Variants in CTCFL observed in about 807,000 individuals in gnomAD.
CTCFL encodes transcriptional repressor CTCFL.
In CTCFL, 36 loss-of-function variants were observed where a neutral mutation model predicts 67.4. The ratio of observed to expected loss-of-function variants is 0.53; its 90% CI spans 0.41 to 0.71. The LOEUF is 0.71. CTCFL is among the 30% of genes least tolerant of loss of function. The pLI is 0.00. For missense variants in CTCFL, 786 were observed against 835.2 expected (o/e 0.94, Z 0.73); for synonymous variants, 324 against 302.3 (o/e 1.07, Z -0.75).
At chr20:57,517,812 T>A (rs1044090728) in intron 5 of CTCFL, among the ~76,000 whole-genome samples, 2 of 152,100 alleles carry the variant, frequency 1.3e-5, no homozygotes, top group Non-Finnish European at 2.9e-5. Flanking sequence ...CTAGGAAGTT[T>A]GTACTAAGCA....
At chr20:57,520,790 G>A (rs2069296769) in intron 3 of CTCFL, among the ~76,000 whole-genome samples, 2 of 152,198 alleles carry the variant, frequency 1.3e-5, no homozygotes, top group South Asian at 4.1e-4. Context: ...TGTGACCCCT[G>A]CAAAAATACA....
chr20:57,523,495 C>T (rs1005393690), intron 2 of CTCFL, among the ~76,000 whole-genome samples, 168 bp downstream of exon 2: 1 of 152,198 alleles, frequency 6.6e-6, no homozygotes, highest in Non-Finnish European at 1.5e-5. Flanking sequence ...ACTTTTAAAA[C>T]TCTTTTTTAA....
chr20:57,504,280 TCTC>T (rs909380409), intron 9 of CTCFL, among the ~76,000 whole-genome samples: 8 of 132,332 alleles, frequency 6.0e-5, no homozygotes, highest in Middle Eastern at 8.9e-3. Context: ...CCGCCCCCCG[TCTC>T]CTTTTTTTTT....
chr20:57,500,026 C>G (rs1329018156), intron 10 of CTCFL: 1 of 986,606 alleles, frequency 1.0e-6, no homozygotes, highest in Admixed American at 6.1e-5. Flanking sequence ...CACTGAAGAA[C>G]GTGACTGTCT....
rs2068546649 is a variant in CTCFL, at chr20:57,511,439, T to A, written c.1491+1153A>T. On this transcript the variant is annotated intron_variant, in intron 8 of 10. Transcript: ENST00000243914. ...TATAACCTCTTGGTCTATCTTTTAC[T>A]TTGAATGGATCTTTTACCTGTGTGT... 2.6e-5 allele frequency among the ~76,000 whole-genome samples: 4 copies of A among 152,184 alleles called. No homozygotes were observed. The South Asian group carries it at 8.3e-4, about 31-fold the overall frequency.
In CTCFL at chr20:57,524,748, C is replaced by T. The variant is rs142110671; in HGVS notation, c.-12+280G>A. 101 of 987,518 alleles carry T rather than the reference C, an allele frequency of 1.0e-4. 3 individuals carry two copies. The East Asian group carries it at 0.011, about 108-fold the overall frequency. 61.2% of individuals were successfully genotyped at this position (987,518 alleles called of 1,614,324 possible). On this transcript the variant is annotated intron_variant, in intron 1 of 10. Coordinates refer to ENST00000243914, the MANE Select transcript of CTCFL (RefSeq NM_001386993.1). ...TCGTGCACGGTTCTAGACCTAGCAC[C>T]CTCAGAGCCAGGCAGGCTTTGGGCC...
At position 57,523,235 on chromosome 20, in the gene CTCFL, G is replaced by T. The variant is rs766234186; in HGVS notation, c.587C>A (p.Thr196Lys). 34 of 1,613,808 alleles carry T rather than the reference G, an allele frequency of 2.1e-5. 1 individual carries two copies. In the Middle Eastern group the frequency reaches 8.2e-4, roughly 39 times the overall value. The stretch of plus-strand genomic sequence containing the variant: ...TTCCACAAAAAAGAGCTGCTCCTTT[G>T]TTCTTTCAGCCAATAACTGGTTCTT... The part of the protein sequence containing the change: ...QEKNQLLAER[T>K]KEQLFFVETM... The change falls in exon 3 of 11, where the codon ACA (threonine) becomes AAA (lysine). Residue 196 changes from threonine to lysine, a missense_variant. Physicochemically the swap from Thr to Lys is moderately conservative, Grantham distance 78. This residue lies in a region of CTCFL where 333 missense variants were observed against 304.6 expected (regional missense o/e 1.09). Transcript: ENST00000243914.
At chr20:57,513,424 A>G in intron 7 of CTCFL, 1 of 989,026 alleles carries the variant, frequency 1.0e-6, no homozygotes, top group Non-Finnish European at 1.2e-6. Flanking sequence ...CACCTTACCC[A>G]CAGTGACTCA....
chr20:57,522,566 A>G (rs1417994884), intron 3 of CTCFL, among the ~76,000 whole-genome samples: 1 of 152,108 alleles, frequency 6.6e-6, no homozygotes, highest in Non-Finnish European at 1.5e-5. Flanking sequence ...GATACAAAGT[A>G]AATACTTCCA....
downstream of CTCFL, chr20:57,496,088 T>C (rs565444825): frequency 3.7e-5 from 15 of 400,662 alleles, no homozygotes; most frequent in African/African-American, 2.5e-4. Context: ...TAATCCCCAG[T>C]GTTGGAGGTG....
At chr20:57,507,858 T>C in intron 9 of CTCFL, 1 of 703,044 alleles carries the variant, frequency 1.4e-6, no homozygotes, top group Admixed American at 2.0e-5. Context: ...CATACAGAAA[T>C]AGATAACTAA....
chr20:57,510,574 G>T (rs2068483828), intron 8 of CTCFL, among the ~76,000 whole-genome samples: 1 of 152,188 alleles, frequency 6.6e-6, no homozygotes, highest in East Asian at 1.9e-4. Context: ...TCTATTAAAA[G>T]CATTCGGGGC....
At position 57,503,516 on chromosome 20, in the gene CTCFL, C is replaced by G; in HGVS notation, c.1760G>C (p.Arg587Thr). The stretch of plus-strand genomic sequence containing the variant: ...GGCTTCCTTCAGGATGGTCTGCTTC[C>G]TCTTTCTTGTTCTTCTTCCCTTTCC... ...ASGKGRRTRK[R>T]KQTILKEATK... The change falls in exon 10 of 11, where the codon AGG becomes ACG. Residue 587 changes from arginine to threonine, a missense_variant. This residue lies in a region of CTCFL where 199 missense variants were observed against 196.7 expected (regional missense o/e 1.01). Transcript: ENST00000243914. 6.2e-7 allele frequency: 1 copy of G among 1,614,190 alleles called. No homozygotes were observed. The highest frequency in any genetic ancestry group is 8.5e-7 in the Non-Finnish European group (1 of 1,180,030).
At chr20:57,502,256 G>A (rs112063402) in intron 10 of CTCFL, among the ~76,000 whole-genome samples, 7 of 152,192 alleles carry the variant, frequency 4.6e-5, no homozygotes, top group African/African-American at 1.4e-4. Context: ...TGGACAGAGC[G>A]ACTGGAACCA....
At chr20:57,521,075 T>C (rs1340508564) in intron 3 of CTCFL, among the ~76,000 whole-genome samples, 2 of 152,216 alleles carry the variant, frequency 1.3e-5, no homozygotes, top group Non-Finnish European at 2.9e-5. Flanking sequence ...GCATGAAATA[T>C]ATTCTCCCCG....
At position 57,523,073 on chromosome 20, in the gene CTCFL, GTCTT is replaced by G. The variant is rs757652907; in HGVS notation, c.745_748del (p.Lys249GlnfsTer27). On this transcript the variant is annotated frameshift_variant, in exon 3 of 11. Coordinates refer to ENST00000243914, the MANE Select transcript of CTCFL (RefSeq NM_001386993.1). LOFTEE classifies it high-confidence loss of function. ...TATGAGATGAACTGGCCTACCCTTT[GTCTT>G]TCTTTGATTTTTTGTAGATTTGGCC... The G allele has an allele frequency of 1.2e-6, 2 of 1,613,152 alleles. No individual in the cohort carries two copies. The highest frequency in any genetic ancestry group is 1.7e-6 in the Non-Finnish European group (2 of 1,179,514).
intron 3 of CTCFL, among the ~76,000 whole-genome samples, chr20:57,521,825 G>A (rs114469835): frequency 0.013 from 1,932 of 152,266 alleles, 38 homozygotes; most frequent in African/African-American, 0.043. Flanking sequence ...GACACGAAAG[G>A]CACATGGTAT....
At position 57,523,655 on chromosome 20, in the gene CTCFL, A is replaced by C. The variant is rs780439871; in HGVS notation, c.543+8T>G. The C allele has an allele frequency of 1.9e-6, 3 of 1,604,572 alleles. No individual in the cohort carries two copies. Among genetic ancestry groups the C allele is most frequent in the Non-Finnish European group, 2.6e-6 (3 of 1,174,614 alleles). On this transcript the variant is annotated splice_region_variant and intron_variant, in intron 2 of 10. Transcript: ENST00000243914. The stretch of plus-strand genomic sequence containing the variant: ...ATGTAAGGGGTTGTTTATTAAAACC[A>C]GCTGTACCTTGATCAGTCCAGTAGT...
chr20:57,514,057 C>T (rs530688476), intron 7 of CTCFL, among the ~76,000 whole-genome samples: 28 of 152,302 alleles, frequency 1.8e-4, no homozygotes, highest in African/African-American at 6.3e-4. Context: ...GTGGTAGATG[C>T]GGATTACACG....
Sources: allele counts gnomAD v4.1 joint callset (sites outside exome capture counted in the v4.1 genomes callset), GRCh38; gene constraint gnomAD v4.1.1; regional missense constraint gnomAD v4.1.1; transcripts MANE v1.5; gene names NCBI Gene and HGNC (gene_info 2026-07-23, HGNC 2026-07-21).